RNF180: variants seen among roughly 807,000 people sequenced by gnomAD.
RNF180 encodes E3 ubiquitin-protein ligase RNF180.
Under a neutral mutation model 59.2 loss-of-function variants are expected in RNF180, and 38 were observed. The ratio of observed to expected loss-of-function variants is 0.64; its 90% confidence interval spans 0.50 to 0.84. The LOEUF (loss-of-function observed/expected upper bound fraction) is 0.84. Ranked by LOEUF, RNF180 falls within the 40% of genes least tolerant of loss-of-function variation. The probability of loss-of-function intolerance (pLI) is 0.00; values close to 1 mark genes in which losing one functional copy is unlikely to be tolerated. For synonymous variants in RNF180, 262 were observed against 240.3 expected (o/e 1.09, Z -0.84); for missense variants, 705 against 700.9 (o/e 1.01, Z -0.07).
chr5:64,345,015 A>T (rs1341084408), intron 7 of RNF180, among the ~76,000 whole-genome samples: 1 of 151,988 alleles, frequency 6.6e-6, no homozygotes, highest in Non-Finnish European at 1.5e-5. Flanking sequence ...TATATTAATA[A>T]AATCAGTGTT....
chr5:64,339,623 T>C (rs139102288), intron 7 of RNF180, among the ~76,000 whole-genome samples: 1 of 152,006 alleles, frequency 6.6e-6, no homozygotes, highest in Non-Finnish European at 1.5e-5. Context: ...GGAAGTAAGG[T>C]GGAAAGGGGG....
At chr5:64,324,477 C>A (rs1423918405) in intron 5 of RNF180, among the ~76,000 whole-genome samples, 3 of 152,214 alleles carry the variant, frequency 2.0e-5, no homozygotes, top group South Asian at 2.1e-4. Flanking sequence ...ACAGCAGCCC[C>A]AGCTGGAAAT....
chr5:64,253,905 C>T (rs928554052), intron 5 of RNF180, among the ~76,000 whole-genome samples: 1 of 152,028 alleles, frequency 6.6e-6, no homozygotes, highest in African/African-American at 2.4e-5. Flanking sequence ...CATTATCTTG[C>T]ATATAGTAAG....
intron 5 of RNF180, among the ~76,000 whole-genome samples, chr5:64,248,062 A>T (rs1418079935): frequency 6.6e-6 from 1 of 152,244 alleles, no homozygotes; most frequent in African/African-American, 2.4e-5. Flanking sequence ...CATACGCAGA[A>T]AACTGAAACT....
At chr5:64,178,268 G>A (rs1468777617) in intron 1 of RNF180, among the ~76,000 whole-genome samples, 3 of 151,484 alleles carry the variant, frequency 2.0e-5, no homozygotes, top group Non-Finnish European at 4.4e-5. Context: ...TGATCTGACA[G>A]GGGAGCACCA....
chr5:64,199,827 T>C (rs185881249), intron 1 of RNF180, among the ~76,000 whole-genome samples: 2 of 152,330 alleles, frequency 1.3e-5, no homozygotes, highest in East Asian at 3.9e-4. Context: ...GAAACTATTA[T>C]CCCAAATTGG....
chr5:64,254,931 G>A (rs1467592887), intron 5 of RNF180, among the ~76,000 whole-genome samples: 1 of 152,088 alleles, frequency 6.6e-6, no homozygotes, highest in Non-Finnish European at 1.5e-5. Context: ...CTTTGGGGGA[G>A]GAGAGCCCCA....
rs1052174265 is a variant in RNF180 at position 64,190,811 on chromosome 5, G to A, written c.1-9997G>A. ...GGCTGTCTGCAAGCCAAAATGAGAA[G>A]CCTCACCAGAAAACAACCCTACCAA... is the stretch of plus-strand genomic sequence containing the variant. On this transcript the variant is annotated intron_variant, in intron 1 of 7. Transcript: ENST00000389100. Among the ~76,000 whole-genome samples the A allele has an allele frequency of 2.4e-4, 37 of 152,214 alleles. No homozygotes were observed. The East Asian group carries it at 6.0e-3, about 25-fold the overall frequency.
At chr5:64,218,148 C>A (rs976228744) in intron 5 of RNF180, among the ~76,000 whole-genome samples, 1 of 151,992 alleles carries the variant, frequency 6.6e-6, no homozygotes, top group Non-Finnish European at 1.5e-5. Flanking sequence ...TCTCAAAAAA[C>A]GTTTTAATAG....
intron 7 of RNF180, among the ~76,000 whole-genome samples, chr5:64,352,563 A>T (rs1282820457): frequency 1.3e-5 from 2 of 151,998 alleles, no homozygotes; most frequent in African/African-American, 4.8e-5. Flanking sequence ...CCCTCTACAC[A>T]CTGCTTTAAA....
At chr5:64,355,620 A>T (rs1024707868) in intron 7 of RNF180, among the ~76,000 whole-genome samples, 1 of 151,958 alleles carries the variant, frequency 6.6e-6, no homozygotes, top group African/African-American at 2.4e-5. Flanking sequence ...TCCTGAAAAG[A>T]AGTACAGTGT....
At chr5:64,361,005 G>A (rs1174322297) in intron 7 of RNF180, among the ~76,000 whole-genome samples, 5 of 151,530 alleles carry the variant, frequency 3.3e-5, no homozygotes, top group African/African-American at 1.2e-4. Context: ...TCTGTCTTCC[G>A]AGACAGTTTG....
intron 5 of RNF180, among the ~76,000 whole-genome samples, chr5:64,228,491 A>G (rs1361456262): frequency 2.0e-5 from 3 of 152,180 alleles, no homozygotes; most frequent in African/African-American, 7.2e-5. Flanking sequence ...CCCATCCTGG[A>G]TGACAGAACA....
At chr5:64,225,224 C>T (rs1741605723) in intron 5 of RNF180, among the ~76,000 whole-genome samples, 1 of 152,260 alleles carries the variant, frequency 6.6e-6, no homozygotes. Flanking sequence ...GTGATGGCTT[C>T]AGCTCTTTTG....
intron 5 of RNF180, among the ~76,000 whole-genome samples, chr5:64,302,806 T>C (rs763552615): frequency 9.9e-5 from 15 of 151,650 alleles, no homozygotes; most frequent in Non-Finnish European, 2.2e-4. Context: ...GGGGCTACAC[T>C]TAATCTAGAA....
At chr5:64,217,037 T>C (rs377641241) in intron 4 of RNF180, among the ~76,000 whole-genome samples, 1 of 152,190 alleles carries the variant, frequency 6.6e-6, no homozygotes, top group South Asian at 2.1e-4. Context: ...TGATGTGTTC[T>C]CCATTATTTT....
chr5:64,210,359 A>G (rs893883192), intron 2 of RNF180, among the ~76,000 whole-genome samples: 1 of 151,984 alleles, frequency 6.6e-6, no homozygotes, highest in Non-Finnish European at 1.5e-5. Flanking sequence ...GAGTGTTGAT[A>G]CTCTCTCTCA....
At chr5:64,360,108 G>T (rs930242154) in intron 7 of RNF180, among the ~76,000 whole-genome samples, 1 of 151,888 alleles carries the variant, frequency 6.6e-6, no homozygotes, top group African/African-American at 2.4e-5. Context: ...GGATTGACTT[G>T]GTTATGCGGG....
chr5:64,190,583 T>C (rs955038132), intron 1 of RNF180, among the ~76,000 whole-genome samples: 1 of 152,054 alleles, frequency 6.6e-6, no homozygotes, highest in Non-Finnish European at 1.5e-5. Context: ...ATGTTACAGA[T>C]TGAATTGTGT....
Sources: gnomAD v4.1 joint callset for allele counts (sites outside exome capture counted in the v4.1 genomes callset) on GRCh38, gnomAD v4.1.1 for gene constraint, MANE v1.5 for transcripts, NCBI Gene and HGNC (gene_info 2026-07-23, HGNC 2026-07-21) for gene names.